HMGA1: variants seen among roughly 807,000 people sequenced by gnomAD.
HMGA1 encodes high mobility group protein HMG-I/HMG-Y.
Under a neutral mutation model 15.1 loss-of-function variants are expected in HMGA1, and 1 was observed. That is an observed-to-expected ratio of 0.07 (90% CI 0.02 to 0.31). HMGA1 has a LOEUF of 0.31. Ranked by LOEUF, HMGA1 falls within the 10% of genes least tolerant of loss-of-function variation. The probability of loss-of-function intolerance (pLI) is 1.00; values close to 1 mark genes in which losing one functional copy is unlikely to be tolerated. For synonymous variants in HMGA1, 56 were observed against 54.8 expected (o/e 1.02, Z -0.10); for missense variants, 94 against 141.4 (o/e 0.66, Z 1.70).
chr6:34,240,496 C>T (rs1033344866), intron 2 of HMGA1, among the ~76,000 whole-genome samples: 1 of 152,092 alleles, frequency 6.6e-6, no homozygotes, highest in African/African-American at 2.4e-5. Flanking sequence ...GGTGTTAAGG[C>T]AGGACAACAA....
At chr6:34,239,839 A>T (rs1209624088) in intron 2 of HMGA1, among the ~76,000 whole-genome samples, 1 of 152,198 alleles carries the variant, frequency 6.6e-6, no homozygotes, top group African/African-American at 2.4e-5. Context: ...CTCTAAGAAG[A>T]AGGAAGATGC....
intron 3 of HMGA1, 131 bp downstream of exon 3, chr6:34,241,046 T>A: frequency 1.9e-6 from 2 of 1,036,704 alleles, no homozygotes; most frequent in Non-Finnish European, 2.9e-6. Flanking sequence ...TGTGGGTGTG[T>A]CCTCCCACCT....
At chr6:34,240,673 TGA>T in intron 2 of HMGA1, 62 bp from the exon 3 acceptor site, 1 of 1,279,748 alleles carries the variant, frequency 7.8e-7, no homozygotes, top group East Asian at 2.4e-5. Context: ...AAGGTGTGGG[TGA>T]TGAGGGGGTA....
Position 34,244,826 on chromosome 6 carries a change from C to T in HMGA1, c.271-5C>T, listed in dbSNP as rs1196970931. ...AGCTCACACCAACAACTGCCCACCT[C>T]ACAGGAGAAGGAGGAAGAGGAGGGC... On this transcript the variant is annotated splice_region_variant and splice_polypyrimidine_tract_variant and intron_variant, in intron 5 of 5. Coordinates refer to ENST00000311487, the MANE Select transcript of HMGA1 (RefSeq NM_145899.3). 1.7e-5 allele frequency: 26 copies of T among 1,571,050 alleles called. No individual in the cohort carries two copies. In the East Asian group the frequency reaches 5.6e-4, roughly 34 times the overall value.
At chr6:34,238,192 G>A (rs1761976376) in intron 2 of HMGA1, among the ~76,000 whole-genome samples, 1 of 152,082 alleles carries the variant, frequency 6.6e-6, no homozygotes, top group Admixed American at 6.5e-5. Context: ...GTGCACCCGC[G>A]TGGCGGTGCA....
intron 3 of HMGA1, among the ~76,000 whole-genome samples, chr6:34,241,247 C>T (rs1364080911): frequency 1.3e-5 from 2 of 152,150 alleles, no homozygotes; most frequent in South Asian, 2.1e-4. Context: ...CCACTGTGGA[C>T]CAGTAATTTT....
intron 3 of HMGA1, among the ~76,000 whole-genome samples, chr6:34,242,192 G>A (rs528617844): frequency 6.6e-6 from 1 of 152,190 alleles, no homozygotes; most frequent in South Asian, 2.1e-4. Flanking sequence ...TTCTCTGGGG[G>A]CAGCCTGGAT....
Position 34,244,937 on chromosome 6 carries a change from G to C in HMGA1, c.*53G>C, listed in dbSNP as rs1383535196. On this transcript the variant is annotated 3_prime_UTR_variant, in exon 6 of 6. Coordinates refer to ENST00000311487, the MANE Select transcript of HMGA1 (RefSeq NM_145899.3). ...GAGGAGCAGCTTCCTTCTGGGACTG[G>C]ACAGCTTTGCTCCGCTCCCACCGCC... 1 of 1,548,990 alleles carries C rather than the reference G, an allele frequency of 6.5e-7. No homozygotes were observed.
At position 34,240,900 on chromosome 6, in the gene HMGA1, G is replaced by A. The variant is rs775587546; in HGVS notation, c.120G>A (p.Ala40=). The A allele has an allele frequency of 1.8e-5, 29 of 1,613,586 alleles. No individual in the cohort carries two copies. In the Admixed American group the frequency reaches 2.8e-4, roughly 16 times the overall value. Residue 40 remains alanine (A), a synonymous_variant, in exon 3 of 6, where the codon GCG becomes GCA. Transcript: ENST00000311487. Reference sequence around the variant, plus strand: ...AGCCTCCGGTGAGTCCCGGGACAGCGCTGGTAGGGAGTCAGGTGGGTGTCC... The same window carrying A: ...AGCCTCCGGTGAGTCCCGGGACAGCACTGGTAGGGAGTCAGGTGGGTGTCC... The part of the protein sequence containing the change: ...RKQPPVSPGT[A]LVGSQKEPSE...
rs765282795 is a variant in HMGA1 at position 34,242,793 on chromosome 6, C to T, written c.217C>T (p.Arg73Trp). Residue 73 changes from arginine (R) to tryptophan (W), a missense_variant and splice_region_variant, in exon 4 of 6, where the codon CGG (arginine) becomes TGG (tryptophan). Physicochemically the swap from Arg to Trp is moderately radical, Grantham distance 101 (BLOSUM62 -3). Coordinates refer to ENST00000311487, the MANE Select transcript of HMGA1 (RefSeq NM_145899.3). ...GSKNKGAAKT[R>W]KTTTTPGRKP... Reference sequence around the variant, plus strand: ...CAAAAACAAGGGTGCTGCCAAGACCCGGGTGAGACTTGAGATGGGACTACC... The same window carrying T: ...CAAAAACAAGGGTGCTGCCAAGACCTGGGTGAGACTTGAGATGGGACTACC... The T allele has an allele frequency of 1.1e-5, 18 of 1,582,342 alleles. No homozygotes were observed. The highest frequency in any genetic ancestry group is 2.3e-5 in the East Asian group (1 of 43,472).
At position 34,245,060 on chromosome 6, in the gene HMGA1, G is replaced by A. The variant is rs368392959; in HGVS notation, c.*176G>A. The A allele has an allele frequency of 4.4e-4, 661 of 1,517,524 alleles. 3 individuals carry two copies. In the East Asian group the frequency reaches 6.3e-3, roughly 14 times the overall value. The allele number at this position is 1,517,524 out of a possible 1,614,324, so 94.0% of individuals were successfully genotyped here. A position where few individuals can be genotyped will look rare whatever the true frequency, so the allele number is the denominator to read the frequency against. ...CACCACACTACACAGCACACCAGCCGCTGCAGGGCTCCCATGGGCTGAGTG... is the reference window on the plus strand; with the variant it reads ...CACCACACTACACAGCACACCAGCCACTGCAGGGCTCCCATGGGCTGAGTG... On this transcript the variant is annotated 3_prime_UTR_variant, in exon 6 of 6. Coordinates refer to ENST00000311487, the MANE Select transcript of HMGA1 (RefSeq NM_145899.3).
chr6:34,238,545 T>C (rs1040284892), intron 2 of HMGA1, among the ~76,000 whole-genome samples: 2 of 152,162 alleles, frequency 1.3e-5, no homozygotes, highest in African/African-American at 4.8e-5. Context: ...CCTAGGGCCT[T>C]TCCTGCAGAG....
chr6:34,237,966 C>T (rs1478371907), intron 2 of HMGA1, among the ~76,000 whole-genome samples: 3 of 152,144 alleles, frequency 2.0e-5, no homozygotes, highest in Non-Finnish European at 2.9e-5. Context: ...GCCGGGCCTG[C>T]CCTCCGCCCC....
At chr6:34,244,393 G>T (rs1408503464) in intron 5 of HMGA1, among the ~76,000 whole-genome samples, 1 of 152,062 alleles carries the variant, frequency 6.6e-6, no homozygotes, top group Non-Finnish European at 1.5e-5. Flanking sequence ...CCACAGCACA[G>T]CATCTGCCCC....
At chr6:34,242,623 T>TA (rs1431612858) in intron 3 of HMGA1, 89 bp from the exon 4 acceptor site, 1 of 896,462 alleles carries the variant, frequency 1.1e-6, no homozygotes, top group Admixed American at 2.0e-5. Context: ...CTTGCTGACT[T>TA]AACCTTGTTG....
At chr6:34,237,547 G>T (rs1761879864) in intron 2 of HMGA1, among the ~76,000 whole-genome samples, 1 of 145,176 alleles carries the variant, frequency 6.9e-6, no homozygotes, top group Admixed American at 6.8e-5. Flanking sequence ...CCGCGCCGCG[G>T]GCGCCCTGCG....
At chr6:34,240,135 A>G (rs937212449) in intron 2 of HMGA1, among the ~76,000 whole-genome samples, 1 of 152,186 alleles carries the variant, frequency 6.6e-6, no homozygotes, top group Non-Finnish European at 1.5e-5. Context: ...CTGGGTGAGA[A>G]CAGAGAAGAG....
intron 2 of HMGA1, among the ~76,000 whole-genome samples, chr6:34,237,702 AGCCCGG>A: frequency 6.8e-6 from 1 of 147,388 alleles, no homozygotes; most frequent in Non-Finnish European, 1.5e-5. Context: ...CCCGAGCCCG[AGCCCGG>A]GCCCGGGTGA....
At chr6:34,242,599 T>C in intron 3 of HMGA1, 113 bp from the exon 4 acceptor site, 2 of 759,690 alleles carry the variant, frequency 2.6e-6, no homozygotes. Flanking sequence ...AGGGATGGTT[T>C]GTGGTTCTTG....
Sources: gnomAD v4.1 joint callset for allele counts (sites outside exome capture counted in the v4.1 genomes callset) on GRCh38, gnomAD v4.1.1 for gene constraint, MANE v1.5 for transcripts, NCBI Gene and HGNC (gene_info 2026-07-23, HGNC 2026-07-21) for gene names.